Variants in CDC14A observed in about 807,000 individuals in gnomAD.
CDC14A encodes dual specificity protein phosphatase CDC14A.
CDC14A carries 53 observed loss-of-function variants against 74.4 expected under a neutral mutation model. The ratio of observed to expected loss-of-function variants is 0.71; its 90% confidence interval spans 0.57 to 0.89. The LOEUF (loss-of-function observed/expected upper bound fraction) is 0.89, where lower values mean the gene tolerates loss of function less well. Ranked by LOEUF, CDC14A falls within the 40% of genes least tolerant of loss-of-function variation. The probability of loss-of-function intolerance (pLI) is 0.00; values close to 1 mark genes in which losing one functional copy is unlikely to be tolerated. For synonymous variants in CDC14A, 247 were observed against 258.4 expected (o/e 0.96, Z 0.43); for missense variants, 646 against 713.7 (o/e 0.91, Z 1.08).
chr1:100,445,213 GT>G (rs1429564396), intron 7 of CDC14A, among the ~76,000 whole-genome samples: 1 of 152,146 alleles, frequency 6.6e-6, no homozygotes, highest in African/African-American at 2.4e-5. Context: ...ACAAACAATA[GT>G]AAGACACTCC....
intron 10 of CDC14A, among the ~76,000 whole-genome samples, chr1:100,479,431 C>T (rs1669236911): frequency 6.6e-6 from 1 of 152,110 alleles, no homozygotes; most frequent in South Asian, 2.1e-4. Context: ...TGTCCCCGAC[C>T]CCACCTTCTG....
intron 8 of CDC14A, among the ~76,000 whole-genome samples, chr1:100,460,277 A>G (rs777078661): frequency 6.6e-6 from 1 of 152,236 alleles, no homozygotes; most frequent in African/African-American, 2.4e-5. Flanking sequence ...CAAAAGATGT[A>G]TACATCGTTT....
chr1:100,512,912 A>C (rs1649902853), intron 15 of CDC14A, among the ~76,000 whole-genome samples: 1 of 152,202 alleles, frequency 6.6e-6, no homozygotes, highest in Admixed American at 6.5e-5. Context: ...GTATCATATT[A>C]ACAGAGGCAA....
chr1:100,491,660 C>CT (rs1410604922), intron 11 of CDC14A, among the ~76,000 whole-genome samples: 9 of 143,540 alleles, frequency 6.3e-5, no homozygotes, highest in African/African-American at 2.3e-4. Flanking sequence ...CAACCTCTGC[C>CT]TCCCGGGTTC....
At chr1:100,491,572 A>ATATATTTTTTTT (rs1418515078) in intron 11 of CDC14A, among the ~76,000 whole-genome samples, 1 of 25,106 alleles carries the variant, frequency 4.0e-5, no homozygotes, top group Non-Finnish European at 7.1e-5. Flanking sequence ...ATATATATAT[A>ATATATTTTTTTT]TTTTTTTTTT....
At chr1:100,401,145 G>A (rs1013927092) in intron 4 of CDC14A, among the ~76,000 whole-genome samples, 12 of 152,086 alleles carry the variant, frequency 7.9e-5, no homozygotes, top group Non-Finnish European at 1.5e-5. Flanking sequence ...AAGTAATTGC[G>A]GTTTTTGCTA....
chr1:100,462,919 C>T (rs375601956), intron 9 of CDC14A, 38 bp downstream of exon 9: 26 of 1,506,178 alleles, frequency 1.7e-5, no homozygotes, highest in African/African-American at 1.2e-4. Flanking sequence ...CTGTGCTTAT[C>T]GAAGGGGCGG....
chr1:100,495,267 G>A (rs1410123225), intron 12 of CDC14A, among the ~76,000 whole-genome samples: 2 of 152,212 alleles, frequency 1.3e-5, no homozygotes, highest in African/African-American at 2.4e-5. Context: ...GGTGTGCTGA[G>A]GCTGTTGTAT....
intron 3 of CDC14A, among the ~76,000 whole-genome samples, chr1:100,380,879 T>C (rs1360094725): frequency 6.6e-6 from 1 of 152,228 alleles, no homozygotes; most frequent in Non-Finnish European, 1.5e-5. Flanking sequence ...GGGATGCCCT[T>C]ACCCTCTGGC....
intron 10 of CDC14A, among the ~76,000 whole-genome samples, chr1:100,472,874 A>G (rs1243791067): frequency 6.6e-6 from 1 of 151,940 alleles, no homozygotes; most frequent in Admixed American, 6.6e-5. Context: ...TCATTTGGAT[A>G]TATTTGTGTT....
chr1:100,448,699 CT>C (rs1219159344), intron 7 of CDC14A, among the ~76,000 whole-genome samples: 1 of 152,210 alleles, frequency 6.6e-6, no homozygotes, highest in African/African-American at 2.4e-5. Context: ...ATGAACATTT[CT>C]TATTTGAAAG....
intron 10 of CDC14A, among the ~76,000 whole-genome samples, chr1:100,473,677 C>T (rs1053467896): frequency 6.6e-6 from 1 of 152,174 alleles, no homozygotes; most frequent in African/African-American, 2.4e-5. Flanking sequence ...TGTGAGCCAC[C>T]CTGCCTGGCC....
In CDC14A at chr1:100,364,018, A is replaced by C. The variant is rs183875797; in HGVS notation, c.140+10166A>C. Among the ~76,000 whole-genome samples the C allele has an allele frequency of 2.8e-4, 42 of 151,954 alleles. 2 individuals carry two copies. Among genetic ancestry groups the C allele is most frequent in the East Asian group, 2.7e-3 (14 of 5,142 alleles). On this transcript the variant is annotated intron_variant, in intron 2 of 15. Transcript: ENST00000336454. ...GTTCCACATGGCTGTAGTCCTAGCT[A>C]CTCTGGAGGCTGAGGTGGGAGGATC...
Position 100,352,924 on chromosome 1 carries a change from C to T in CDC14A, c.-31C>T. The stretch of plus-strand genomic sequence containing the variant: ...GCGAGTGACTTCAGCTGGCCACGAC[C>T]CAGCCCTCCCCCGTGCGTATCTCGC... On this transcript the variant is annotated 5_prime_UTR_variant, in exon 1 of 16. Transcript: ENST00000336454. 6.2e-7 allele frequency: 1 copy of T among 1,613,494 alleles called. No homozygotes were observed. The highest frequency in any genetic ancestry group is 8.5e-7 in the Non-Finnish European group (1 of 1,179,962).
intron 2 of CDC14A, among the ~76,000 whole-genome samples, chr1:100,357,470 C>G (rs1046047723): frequency 2.6e-5 from 4 of 152,204 alleles, no homozygotes; most frequent in African/African-American, 7.2e-5. Context: ...AACCCGGGCT[C>G]TGTCTGGAGG....
At chr1:100,428,536 T>A (rs1663221833) in intron 5 of CDC14A, among the ~76,000 whole-genome samples, 1 of 152,124 alleles carries the variant, frequency 6.6e-6, no homozygotes, top group African/African-American at 2.4e-5. Context: ...TCTTTTTAGG[T>A]TCTCTTCCTT....
chr1:100,381,174 C>A (rs1332483236), intron 3 of CDC14A, among the ~76,000 whole-genome samples: 1 of 152,136 alleles, frequency 6.6e-6, no homozygotes, highest in Non-Finnish European at 1.5e-5. Context: ...TGTCATGATC[C>A]CCTTCATTTG....
intron 15 of CDC14A, among the ~76,000 whole-genome samples, chr1:100,516,774 G>T (rs745558225): frequency 6.6e-6 from 1 of 152,002 alleles, no homozygotes; most frequent in Non-Finnish European, 1.5e-5. Flanking sequence ...ACTTTCTTAG[G>T]GTCTTACCTC....
intron 4 of CDC14A, among the ~76,000 whole-genome samples, chr1:100,398,422 A>G (rs889682598): frequency 2.0e-5 from 3 of 152,094 alleles, no homozygotes; most frequent in Admixed American, 6.5e-5. Flanking sequence ...CAACACTCAT[A>G]TGGTTGTTAA....
Sources: gnomAD v4.1 joint callset for allele counts (sites outside exome capture counted in the v4.1 genomes callset) on GRCh38, gnomAD v4.1.1 for gene constraint, MANE v1.5 for transcripts, NCBI Gene and HGNC (gene_info 2026-07-23, HGNC 2026-07-21) for gene names.